Variants in RAD50 observed in about 807,000 individuals in gnomAD.
The protein encoded by RAD50 is DNA repair protein RAD50.
RAD50 carries 132 observed loss-of-function variants against 168.8 expected under a neutral mutation model. That is an observed-to-expected ratio of 0.78 (90% CI 0.68 to 0.90). RAD50 has a LOEUF of 0.90. Among genes scored for constraint, RAD50 ranks in the 40% least tolerant of loss-of-function variants. The pLI, the probability that RAD50 is intolerant of heterozygous loss-of-function variation, is 0.00. For synonymous variants in RAD50, 525 were observed against 497.4 expected (o/e 1.06, Z -0.74); for missense variants, 1,347 against 1,534.4 (o/e 0.88, Z 2.04).
At chr5:132,603,757 ATAAT>A (rs1750929683) in intron 14 of RAD50, among the ~76,000 whole-genome samples, 159 bp from the exon 15 acceptor site, 1 of 152,212 alleles carries the variant, frequency 6.6e-6, no homozygotes, top group Non-Finnish European at 1.5e-5. Context: ...TGAATTGCTG[ATAAT>A]TAATTTCACT....
chr5:132,627,409 T>G (rs1751389596), intron 21 of RAD50, among the ~76,000 whole-genome samples: 1 of 152,116 alleles, frequency 6.6e-6, no homozygotes, highest in Admixed American at 6.6e-5. Context: ...AAGAAATAAA[T>G]TAATAACAAA....
In RAD50 at chr5:132,604,929, G is replaced by A. The variant is rs775784158; in HGVS notation, c.2648G>A (p.Arg883His). ...EKLQISTNLQRRQQLEEQTVE... is the reference protein window; with the variant it reads ...EKLQISTNLQHRQQLEEQTVE... ...CTTCAGATATCCACTAATTTGCAAC[G>A]TCGTCAGCAACTGGAGGAGCAGACT... is the stretch of plus-strand genomic sequence containing the variant. The change falls in exon 16 of 25, where the codon CGT becomes CAT. Residue 883 changes from arginine to histidine, a missense_variant. Coordinates refer to ENST00000378823, the MANE Select transcript of RAD50 (RefSeq NM_005732.4). The A allele has an allele frequency of 1.6e-5, 26 of 1,613,824 alleles. No homozygotes were observed. The highest frequency in any genetic ancestry group is 4.0e-5 in the African/African-American group (3 of 74,922).
At chr5:132,619,868 A>C (rs1751252564) in intron 21 of RAD50, among the ~76,000 whole-genome samples, 2 of 120,704 alleles carry the variant, frequency 1.7e-5, no homozygotes, top group South Asian at 5.1e-4. Flanking sequence ...ATATATATAT[A>C]AAGATATATA....
chr5:132,557,388 A>C lies in RAD50; in HGVS notation c.64A>C (p.Lys22Gln), dbSNP rs1325544381. ...VRSFGIEDKD[K>Q]QIITFFSPLT... ...GAGTTTTGGAATAGAGGACAAAGAT[A>C]AGCAAATTATCACTTTCTTCAGCCC... Residue 22 changes from lysine to glutamine, a missense_variant, in exon 1 of 25, where the codon AAG becomes CAG. Lys to Gln is a moderately conservative substitution (Grantham distance 53). Transcript: ENST00000378823. 1.2e-6 allele frequency: 2 copies of C among 1,614,094 alleles called. No homozygotes were observed. Among genetic ancestry groups the C allele is most frequent in the Admixed American group, 3.3e-5 (2 of 60,038 alleles).
At chr5:132,568,742 A>T (rs986745042) in intron 2 of RAD50, among the ~76,000 whole-genome samples, 3 of 152,226 alleles carry the variant, frequency 2.0e-5, no homozygotes, top group Non-Finnish European at 4.4e-5. Context: ...ATTCTTTGAA[A>T]ATTGGAGGTG....
At chr5:132,569,676 A>C (rs987272611) in intron 2 of RAD50, among the ~76,000 whole-genome samples, 1 of 152,232 alleles carries the variant, frequency 6.6e-6, no homozygotes, top group African/African-American at 2.4e-5. Flanking sequence ...ATAGCAGAAT[A>C]CACTTTATTT....
chr5:132,605,686 A>G (rs1750973519), intron 16 of RAD50, among the ~76,000 whole-genome samples: 1 of 152,186 alleles, frequency 6.6e-6, no homozygotes, highest in South Asian at 2.1e-4. Context: ...CAGAACTCTC[A>G]GCACCTCATC....
intron 21 of RAD50, among the ~76,000 whole-genome samples, chr5:132,636,400 A>G (rs1751582083): frequency 6.6e-6 from 1 of 152,220 alleles, no homozygotes; most frequent in Admixed American, 6.5e-5. Context: ...GCTTAGAGTT[A>G]GGATTTGGAA....
At chr5:132,607,663 C>T (rs1751009344) in intron 16 of RAD50, among the ~76,000 whole-genome samples, 1 of 151,592 alleles carries the variant, frequency 6.6e-6, no homozygotes, top group Non-Finnish European at 1.5e-5. Flanking sequence ...GCCTCAGCAA[C>T]CCTATTTAGA....
chr5:132,596,999 G>A (rs1267517815), intron 13 of RAD50, among the ~76,000 whole-genome samples: 1 of 152,170 alleles, frequency 6.6e-6, no homozygotes, highest in East Asian at 1.9e-4. Flanking sequence ...TAGGGATTGA[G>A]TCCTGTATGT....
chr5:132,573,293 TC>T (rs1750339030), intron 2 of RAD50, among the ~76,000 whole-genome samples: 1 of 152,174 alleles, frequency 6.6e-6, no homozygotes, highest in Non-Finnish European at 1.5e-5. Flanking sequence ...GACTTACAGT[TC>T]CACGTGGCTG....
At chr5:132,614,858 G>A (rs966390100) in intron 19 of RAD50, among the ~76,000 whole-genome samples, 6 of 151,852 alleles carry the variant, frequency 4.0e-5, no homozygotes, top group East Asian at 1.9e-4. Flanking sequence ...AAATAGTCAC[G>A]CATAGAGGGG....
rs562172843 is a variant in RAD50 at position 132,608,646 on chromosome 5, C to T, written c.2750C>T (p.Thr917Ile). ...DAKEQVSPLETTLEKFQQEKE... is the reference protein window; with the variant it reads ...DAKEQVSPLEITLEKFQQEKE... ...AAAGAGCAGGTAAGCCCTTTGGAAA[C>T]AACATTGGAAAAGTTCCAGCAAGAA... The change falls in exon 17 of 25, where the codon ACA becomes ATA. Residue 917 changes from threonine (T) to isoleucine (I), a missense_variant. Around this residue, in one of 3 missense-constraint regions of RAD50, gnomAD observed 635 missense variants for 739.2 expected, o/e 0.86. Transcript: ENST00000378823. 5.6e-5 allele frequency: 89 copies of T among 1,597,554 alleles called. No individual in the cohort carries two copies. The highest frequency in any genetic ancestry group is 2.0e-4 in the South Asian group (18 of 88,342).
intron 2 of RAD50, among the ~76,000 whole-genome samples, chr5:132,562,344 TAAG>T (rs1453730253): frequency 6.6e-6 from 1 of 152,068 alleles, no homozygotes; most frequent in African/African-American, 2.4e-5. Flanking sequence ...AGAGACAAAT[TAAG>T]AAGATTTTGT....
chr5:132,625,852 G>A (rs1751364352), intron 21 of RAD50, among the ~76,000 whole-genome samples: 1 of 152,014 alleles, frequency 6.6e-6, no homozygotes, highest in Admixed American at 6.6e-5. Flanking sequence ...CCAGATGACA[G>A]GATCTCATTT....
chr5:132,579,236 G>C (rs909699399), intron 3 of RAD50, 81 bp from the exon 4 acceptor site: 4 of 1,404,012 alleles, frequency 2.8e-6, no homozygotes, highest in Non-Finnish European at 4.0e-6. Context: ...TTTTAAAGAA[G>C]TACAGTATGA....
chr5:132,632,319 C>T (rs2149860259), intron 21 of RAD50, among the ~76,000 whole-genome samples: 1 of 152,338 alleles, frequency 6.6e-6, no homozygotes, highest in East Asian at 1.9e-4. Context: ...TCAAGGTAGA[C>T]TTAGGCTCAT....
chr5:132,567,874 T>G (rs958651047), intron 2 of RAD50, among the ~76,000 whole-genome samples: 4 of 152,084 alleles, frequency 2.6e-5, no homozygotes, highest in African/African-American at 4.8e-5. Flanking sequence ...AGAACAAAAC[T>G]CAAGACTTTT....
intron 12 of RAD50, chr5:132,595,291 A>G (rs1750770043): frequency 1.7e-6 from 1 of 575,584 alleles, no homozygotes; most frequent in South Asian, 2.1e-5. Flanking sequence ...TGAGATTGTA[A>G]TTATAAAGCC....
Sources: allele counts gnomAD v4.1 joint callset (sites outside exome capture counted in the v4.1 genomes callset), GRCh38; gene constraint gnomAD v4.1.1; regional missense constraint gnomAD v4.1.1; transcripts MANE v1.5; gene names NCBI Gene and HGNC (gene_info 2026-07-23, HGNC 2026-07-21).